Variants in RBM25 observed in about 807,000 individuals in gnomAD.
RBM25 encodes the protein RNA-binding protein 25.
Under a neutral mutation model 120.7 loss-of-function variants are expected in RBM25, and 19 were observed. The ratio of observed to expected loss-of-function variants is 0.16; its 90% CI spans 0.11 to 0.23. The LOEUF (loss-of-function observed/expected upper bound fraction) is 0.23. Among genes scored for constraint, RBM25 ranks in the 10% least tolerant of loss-of-function variants. The probability of loss-of-function intolerance (pLI) is 1.00; values close to 1 mark genes in which losing one functional copy is unlikely to be tolerated. For synonymous variants in RBM25, 390 were observed against 326.7 expected (o/e 1.19, Z -2.09); for missense variants, 605 against 1,041.5 (o/e 0.58, Z 5.77).
chr14:73,109,268 G>C, intron 13 of RBM25, 74 bp from the exon 14 acceptor site: 11 of 1,473,846 alleles, frequency 7.5e-6, no homozygotes, highest in Non-Finnish European at 1.0e-5. Flanking sequence ...GAAAAGAGGT[G>C]CTGTTGGAGA....
intron 5 of RBM25, among the ~76,000 whole-genome samples, chr14:73,087,342 T>C (rs1247497876): frequency 6.6e-6 from 1 of 151,014 alleles, no homozygotes; most frequent in Non-Finnish European, 1.5e-5. Flanking sequence ...TGTTCTTTCT[T>C]GTGGCTGTTT....
At chr14:73,060,184 G>T (rs1280718313) in intron 1 of RBM25, among the ~76,000 whole-genome samples, 1 of 147,832 alleles carries the variant, frequency 6.8e-6, no homozygotes, top group Non-Finnish European at 1.5e-5. Context: ...GACTACAGGC[G>T]CGCGCCACCA....
At position 73,096,843 on chromosome 14, in the gene RBM25, A is replaced by T. The variant is rs898500380; in HGVS notation, c.544-72A>T. The T allele has an allele frequency of 2.3e-6, 3 of 1,317,142 alleles. No individual in the cohort carries two copies. The Admixed American group carries it at 5.9e-5, about 26-fold the overall frequency. The allele number at this position is 1,317,142 out of a possible 1,614,324, so 81.6% of individuals were successfully genotyped here. ...TTTGAGAAAACATGTATGTTTATTA[A>T]CTCTTGTTGTAGAGTGATTTTGATT... is the stretch of plus-strand genomic sequence containing the variant. On this transcript the variant is annotated intron_variant, in intron 6 of 18. Coordinates refer to ENST00000261973, the MANE Select transcript of RBM25 (RefSeq NM_021239.3).
rs748171381 is a variant in RBM25, at chr14:73,083,559, A to AT, written c.382+15dup. ...CTTCCGGAAAGCTTCAAGGTATGTC[A>AT]TTTTTTTCCTTATTTGCTGAAATCA... On this transcript the variant is annotated intron_variant, in intron 5 of 18. Coordinates refer to ENST00000261973, the MANE Select transcript of RBM25 (RefSeq NM_021239.3). 13 of 1,563,998 alleles carry AT rather than the reference A, an allele frequency of 8.3e-6. No individual in the cohort carries two copies. Among genetic ancestry groups the AT allele is most frequent in the South Asian group, 2.4e-5 (2 of 81,764 alleles).
At chr14:73,093,868 CCAGAGAT>C in intron 6 of RBM25, among the ~76,000 whole-genome samples, 1 of 151,454 alleles carries the variant, frequency 6.6e-6, no homozygotes, top group Non-Finnish European at 1.5e-5. Context: ...AGTTGATATT[CCAGAGAT>C]AGAGCTTTAG....
chr14:73,072,890 A>G (rs1167993539), intron 2 of RBM25, among the ~76,000 whole-genome samples: 2 of 152,042 alleles, frequency 1.3e-5, no homozygotes, highest in African/African-American at 2.4e-5. Flanking sequence ...GGGTTGTATA[A>G]ACAGCACATT....
At chr14:73,085,314 G>A (rs1895659196) in intron 5 of RBM25, among the ~76,000 whole-genome samples, 1 of 150,018 alleles carries the variant, frequency 6.7e-6, no homozygotes, top group Non-Finnish European at 1.5e-5. Context: ...ACCGCGCCCG[G>A]CCTCATCAGT....
rs1205530923 is a variant in RBM25 at position 73,110,822 on chromosome 14, G to C, written c.1693-9G>C. 6.3e-7 allele frequency: 1 copy of C among 1,592,372 alleles called. No homozygotes were observed. Among genetic ancestry groups the C allele is most frequent in the East Asian group, 2.2e-5 (1 of 44,788 alleles). On this transcript the variant is annotated splice_polypyrimidine_tract_variant and intron_variant, in intron 14 of 18. Coordinates refer to ENST00000261973, the MANE Select transcript of RBM25 (RefSeq NM_021239.3). Reference sequence around the variant, plus strand: ...GTTGTAGTTAATCAGATTATTGTTTGGGTTTTAGATGGAACAAGAGGCTGA... The same window carrying C: ...GTTGTAGTTAATCAGATTATTGTTTCGGTTTTAGATGGAACAAGAGGCTGA...
rs986054053 is a variant in RBM25 at position 73,121,077 on chromosome 14, G to A, written c.*1272G>A. The A allele has an allele frequency of 5.2e-5, 8 of 152,516 alleles. No homozygotes were observed. The highest frequency in any genetic ancestry group is 1.2e-4 in the African/African-American group (5 of 41,562). The allele number at this position is 152,516 out of a possible 1,614,324, so 9.4% of individuals were successfully genotyped here. Reference sequence around the variant, plus strand: ...GTAAAATTACCTGAAAACGTAAGAAGTTTTAAACAGCTTTTCACACAAATT... The same window carrying A: ...GTAAAATTACCTGAAAACGTAAGAAATTTTAAACAGCTTTTCACACAAATT... On this transcript the variant is annotated 3_prime_UTR_variant, in exon 19 of 19. Coordinates refer to ENST00000261973, the MANE Select transcript of RBM25 (RefSeq NM_021239.3).
At chr14:73,096,608 T>C (rs1895947005) in intron 6 of RBM25, among the ~76,000 whole-genome samples, 1 of 152,228 alleles carries the variant, frequency 6.6e-6, no homozygotes, top group South Asian at 2.1e-4. Context: ...GTGTACCTAT[T>C]GAGCAAAACA....
chr14:73,115,024 A>AG (rs1441712394), intron 18 of RBM25, among the ~76,000 whole-genome samples: 1 of 152,234 alleles, frequency 6.6e-6, no homozygotes, highest in African/African-American at 2.4e-5. Context: ...GTATACAGGT[A>AG]CTGGAACCTT....
Position 73,058,558 on chromosome 14 carries a change from G to T in RBM25, c.-163G>T, listed in dbSNP as rs1292955126. On this transcript the variant is annotated 5_prime_UTR_variant, in exon 1 of 19. Transcript: ENST00000261973. ...AAGACCTCCATCAGCTCGCCGCGCA[G>T]CGCGGCTGTATTTGCGGCCTGTGCG... The T allele has an allele frequency of 6.6e-6, 1 of 152,214 alleles. No homozygotes were observed. Among genetic ancestry groups the T allele is most frequent in the Non-Finnish European group, 1.5e-5 (1 of 68,058 alleles). The allele number at this position is 152,214 out of a possible 1,614,324, so 9.4% of individuals were successfully genotyped here.
Position 73,103,471 on chromosome 14 carries a change from C to T in RBM25, c.1147C>T (p.Arg383Ter). 6.3e-7 allele frequency: 1 copy of T among 1,593,028 alleles called. No individual in the cohort carries two copies. The highest frequency in any genetic ancestry group is 8.5e-7 in the Non-Finnish European group (1 of 1,171,010). Residue 383 changes from arginine (R) to a stop codon, truncating the protein, a stop_gained, in exon 10 of 19, where the codon CGA (arginine) becomes TGA (stop). Transcript: ENST00000261973. LOFTEE classifies it high-confidence loss of function. Reference protein sequence around the residue: ...RSSDRNKDRSRSREKSRDRER... With the variant: ...RSSDRNKDRS ...CTCAGATCGTAATAAGGATCGCAGT[C>T]GATCAAGGTAAGGCTTTACAGAAGT...
intron 1 of RBM25, among the ~76,000 whole-genome samples, chr14:73,064,216 A>G (rs1234724049): frequency 1.3e-5 from 2 of 151,448 alleles, no homozygotes; most frequent in East Asian, 1.9e-4. Flanking sequence ...TTTATCATCT[A>G]TAGGTAACAG....
Position 73,071,754 on chromosome 14 carries a change from T to C in RBM25, c.106+7T>C. The C allele has an allele frequency of 1.3e-6, 2 of 1,593,174 alleles. No homozygotes were observed. Among genetic ancestry groups the C allele is most frequent in the Non-Finnish European group, 1.7e-6 (2 of 1,161,252 alleles). ...CCTCCACCTGTACCTCCAGGTAAGT[T>C]TGTTGATACTGTTTTTTGTCGTTAA... is the stretch of plus-strand genomic sequence containing the variant. On this transcript the variant is annotated splice_region_variant and intron_variant, in intron 2 of 18. Coordinates refer to ENST00000261973, the MANE Select transcript of RBM25 (RefSeq NM_021239.3).
chr14:73,063,504 C>G (rs1325235144), intron 1 of RBM25, among the ~76,000 whole-genome samples: 2 of 151,302 alleles, frequency 1.3e-5, no homozygotes, highest in African/African-American at 4.8e-5. Flanking sequence ...ATGTGAGGTA[C>G]TTTCAATATT....
intron 7 of RBM25, among the ~76,000 whole-genome samples, chr14:73,097,890 G>A (rs557748069): frequency 1.8e-4 from 28 of 152,290 alleles, no homozygotes; most frequent in African/African-American, 6.7e-4. Flanking sequence ...AATTGTCCAG[G>A]TTGAAAGAAA....
chr14:73,092,945 A>G lies in RBM25; in HGVS notation c.544-3970A>G, dbSNP rs2140445401. On this transcript the variant is annotated intron_variant, in intron 6 of 18. Transcript: ENST00000261973. ...AACTTGACTGAACATTTTAATTTAG[A>G]TTTTGCAGAATTTGCAGGTGTAACT... is the stretch of plus-strand genomic sequence containing the variant. Among the ~76,000 whole-genome samples, 4 of 152,202 alleles carry G rather than the reference A, an allele frequency of 2.6e-5. 1 individual carries two copies. In the Middle Eastern group the frequency reaches 0.014, roughly 518 times the overall value.
rs1032363779 is a variant in RBM25 at position 73,119,931 on chromosome 14, A to G, written c.*126A>G. 4.4e-6 allele frequency: 6 copies of G among 1,378,252 alleles called. No individual in the cohort carries two copies. Among genetic ancestry groups the G allele is most frequent in the South Asian group, 1.5e-5 (1 of 65,664 alleles). 85.4% of individuals were successfully genotyped at this position (1,378,252 alleles called of 1,614,324 possible). A position where few individuals can be genotyped will look rare whatever the true frequency, so the allele number is the denominator to read the frequency against. On this transcript the variant is annotated 3_prime_UTR_variant, in exon 19 of 19. Transcript: ENST00000261973. ...TTTTTTTTTTTTGTAGAAAATGTGA[A>G]TTTTTTGGTCCTCTAATTTGTTGTT... is the stretch of plus-strand genomic sequence containing the variant.
Sources: allele counts gnomAD v4.1 joint callset (sites outside exome capture counted in the v4.1 genomes callset), GRCh38; gene constraint gnomAD v4.1.1; transcripts MANE v1.5; gene names NCBI Gene and HGNC (gene_info 2026-07-23, HGNC 2026-07-21).